TOX3: variants seen among roughly 807,000 people sequenced by gnomAD.
TOX3 encodes the protein CAG trinucleotide repeat-containing gene F9 protein.
Under a neutral mutation model 64.3 loss-of-function variants are expected in TOX3, and 22 were observed. The ratio of observed to expected loss-of-function variants is 0.34; its 90% CI spans 0.24 to 0.49. The LOEUF (loss-of-function observed/expected upper bound fraction) is 0.49, where lower values mean the gene tolerates loss of function less well. Among genes scored for constraint, TOX3 ranks in the 20% least tolerant of loss-of-function variants. The pLI is 0.99. For missense variants in TOX3, 661 were observed against 714.4 expected (o/e 0.93, Z 0.85); for synonymous variants, 291 against 273.6 (o/e 1.06, Z -0.63).
At chr16:52,534,969 T>C (rs1211614435) in intron 1 of TOX3, among the ~76,000 whole-genome samples, 1 of 152,130 alleles carries the variant, frequency 6.6e-6, no homozygotes, top group East Asian at 1.9e-4. Context: ...CATAAATCAC[T>C]GGGTATTTTA....
In TOX3 at chr16:52,538,969, C is replaced by CT. The variant is rs898123390; in HGVS notation, c.87+7667dup. Among the ~76,000 whole-genome samples the CT allele has an allele frequency of 2.2e-3, 319 of 147,828 alleles. 1 individual carries two copies. The highest frequency in any genetic ancestry group is 7.2e-3 in the African/African-American group (291 of 40,432). On this transcript the variant is annotated intron_variant, in intron 1 of 6. Transcript: ENST00000219746. ...CCTTATATTTTTAAACAGGATTTTT[C>CT]TTTTTTTTTTAGAGCACTAATTCCA...
chr16:52,542,462 G>T (rs2151491844), intron 1 of TOX3, among the ~76,000 whole-genome samples: 1 of 152,234 alleles, frequency 6.6e-6, no homozygotes, highest in East Asian at 1.9e-4. Flanking sequence ...TAAAATTCAT[G>T]ATAATTCACA....
At chr16:52,466,445 A>T (rs1461831494) in intron 2 of TOX3, among the ~76,000 whole-genome samples, 1 of 152,120 alleles carries the variant, frequency 6.6e-6, no homozygotes, top group African/African-American at 2.4e-5. Context: ...ATTAGTTTAC[A>T]CTCATTAAAA....
chr16:52,482,995 A>G (rs980781915), intron 1 of TOX3, among the ~76,000 whole-genome samples: 2 of 152,148 alleles, frequency 1.3e-5, no homozygotes, highest in Non-Finnish European at 2.9e-5. Flanking sequence ...CAAGATTAAT[A>G]TTGAAAATAA....
rs183317995 is a variant in TOX3, at chr16:52,437,904, A to C, written c.*1321T>G. The C allele has an allele frequency of 2.6e-5, 4 of 152,664 alleles. No individual in the cohort carries two copies. Among genetic ancestry groups the C allele is most frequent in the Admixed American group, 6.5e-5 (1 of 15,284 alleles). 9.5% of individuals were successfully genotyped at this position (152,664 alleles called of 1,614,324 possible). ...GCAATGCATATTCTTGGCCATAAAT[A>C]TCATATTTCCAATTGAAAAATGGAA... On this transcript the variant is annotated 3_prime_UTR_variant, in exon 7 of 7. Transcript: ENST00000219746.
rs747658787 is a variant in TOX3, at chr16:52,438,965, G to T, written c.*260C>A. On this transcript the variant is annotated 3_prime_UTR_variant, in exon 7 of 7. Transcript: ENST00000219746. ...GTTTGATTCACATATTGTAGGTATA[G>T]CCTGAATAAATAAAAAAGGCATCAC... 2 of 636,530 alleles carry T rather than the reference G, an allele frequency of 3.1e-6. No individual in the cohort carries two copies. Among genetic ancestry groups the T allele is most frequent in the East Asian group, 3.6e-5 (1 of 28,050 alleles). The allele number at this position is 636,530 out of a possible 1,614,324, so 39.4% of individuals were successfully genotyped here.
At chr16:52,451,318 A>T (rs1245830323) in intron 3 of TOX3, among the ~76,000 whole-genome samples, 13 of 152,198 alleles carry the variant, frequency 8.5e-5, no homozygotes, top group Non-Finnish European at 5.9e-5. Flanking sequence ...TTTCTTCATA[A>T]ATACGTAAAA....
intron 1 of TOX3, among the ~76,000 whole-genome samples, chr16:52,479,377 T>C (rs2151447732): frequency 6.6e-6 from 1 of 152,304 alleles, no homozygotes; most frequent in African/African-American, 2.4e-5. Context: ...TTAGCTTGAA[T>C]ATGCTTATGA....
chr16:52,468,907 A>G (rs1960948517), intron 1 of TOX3, among the ~76,000 whole-genome samples: 1 of 152,230 alleles, frequency 6.6e-6, no homozygotes, highest in Non-Finnish European at 1.5e-5. Flanking sequence ...AGAGTTTCCA[A>G]GAAAATCACC....
chr16:52,546,948 G>C lies in TOX3; in HGVS notation c.-225C>G. 1.0e-6 allele frequency: 1 copy of C among 993,322 alleles called. No individual in the cohort carries two copies. Among genetic ancestry groups the C allele is most frequent in the Non-Finnish European group, 1.2e-6 (1 of 836,668 alleles). 61.5% of individuals were successfully genotyped at this position (993,322 alleles called of 1,614,324 possible). The stretch of plus-strand genomic sequence containing the variant: ...GCGGGAGAGCGGGAGGCGGCCGGGG[G>C]GACGCGCCCCGCCGGGGCACCGAGG... On this transcript the variant is annotated 5_prime_UTR_variant, in exon 1 of 7. Transcript: ENST00000219746.
intron 1 of TOX3, among the ~76,000 whole-genome samples, chr16:52,527,534 C>T (rs1246834267): frequency 6.6e-6 from 1 of 152,158 alleles, no homozygotes; most frequent in Non-Finnish European, 1.5e-5. Flanking sequence ...AGTCTTTTTG[C>T]TAACCTAGAG....
chr16:52,540,886 C>A (rs1490086515), intron 1 of TOX3, among the ~76,000 whole-genome samples: 1 of 152,174 alleles, frequency 6.6e-6, no homozygotes, highest in Non-Finnish European at 1.5e-5. Context: ...TCCAAAACAA[C>A]CTGGCACTGC....
At chr16:52,542,509 T>C (rs1596873581) in intron 1 of TOX3, among the ~76,000 whole-genome samples, 1 of 152,110 alleles carries the variant, frequency 6.6e-6, no homozygotes, top group African/African-American at 2.4e-5. Flanking sequence ...AAAAAAGAAT[T>C]GTAAAGTATA....
intron 1 of TOX3, 53 bp from the exon 2 acceptor site, chr16:52,468,627 G>T: frequency 7.1e-7 from 1 of 1,411,912 alleles, no homozygotes; most frequent in Non-Finnish European, 1.0e-6. Context: ...AAAGCATTCT[G>T]GCTGTGATTT....
upstream of TOX3, among the ~76,000 whole-genome samples, chr16:52,547,191 C>A (rs1227753205): frequency 7.0e-6 from 1 of 142,528 alleles, no homozygotes; most frequent in African/African-American, 2.5e-5. Flanking sequence ...CCTCAGCCGC[C>A]GGTCCCCTCC....
chr16:52,467,778 A>G (rs996939248), intron 2 of TOX3, among the ~76,000 whole-genome samples: 7 of 152,192 alleles, frequency 4.6e-5, no homozygotes, highest in African/African-American at 1.4e-4. Flanking sequence ...CAAAATCAAT[A>G]ATAGGAAATG....
chr16:52,443,064 A>G (rs1374210004), intron 6 of TOX3, among the ~76,000 whole-genome samples: 3 of 152,204 alleles, frequency 2.0e-5, no homozygotes, highest in Non-Finnish European at 4.4e-5. Context: ...TTTAATGCAC[A>G]AAATCACCTA....
chr16:52,480,131 T>C (rs1961328281), intron 1 of TOX3, among the ~76,000 whole-genome samples: 1 of 152,174 alleles, frequency 6.6e-6, no homozygotes, highest in African/African-American at 2.4e-5. Context: ...ACACGATAGG[T>C]TCTCAATTGA....
At chr16:52,514,955 G>A (rs912266150) in intron 1 of TOX3, among the ~76,000 whole-genome samples, 1 of 127,726 alleles carries the variant, frequency 7.8e-6, no homozygotes, top group African/African-American at 2.9e-5. Context: ...AGGTTGCAGT[G>A]AGCCAAGATG....
Sources: gnomAD v4.1 joint callset for allele counts (sites outside exome capture counted in the v4.1 genomes callset) on GRCh38, gnomAD v4.1.1 for gene constraint, MANE v1.5 for transcripts, NCBI Gene and HGNC (gene_info 2026-07-23, HGNC 2026-07-21) for gene names.